The following VKORC1L1 variants were observed in gnomAD, a reference collection of about 807,000 sequenced individuals.
The protein encoded by VKORC1L1 is vitamin K epoxide reductase complex subunit 1-like protein 1.
VKORC1L1 carries 2 observed loss-of-function variants against 18.9 expected under a neutral mutation model. That is an observed-to-expected ratio of 0.11 (90% CI 0.04 to 0.33). VKORC1L1 has a LOEUF of 0.33. VKORC1L1 is among the 10% of genes least tolerant of loss of function. The pLI is 1.00. For synonymous variants in VKORC1L1, 96 were observed against 100.0 expected (o/e 0.96, Z 0.24); for missense variants, 123 against 224.1 (o/e 0.55, Z 2.88).
rs1270587635 is a variant in VKORC1L1, at chr7:65,955,236, C to A, written c.*936C>A. 1 of 152,116 alleles carries A rather than the reference C, an allele frequency of 6.6e-6. No individual in the cohort carries two copies. The highest frequency in any genetic ancestry group is 1.5e-5 in the Non-Finnish European group (1 of 68,030). The allele number at this position is 152,116 out of a possible 1,614,324, so 9.4% of individuals were successfully genotyped here. On this transcript the variant is annotated 3_prime_UTR_variant, in exon 3 of 3. Transcript: ENST00000360768. ...TTCTTCCACTAGTTGAATTTTCATGCAGATATTTTTCCTTAACGTTGGTGC... is the reference window on the plus strand; with the variant it reads ...TTCTTCCACTAGTTGAATTTTCATGAAGATATTTTTCCTTAACGTTGGTGC...
At chr7:65,929,417 AAAAT>A (rs1477557762) in intron 1 of VKORC1L1, among the ~76,000 whole-genome samples, 1 of 152,100 alleles carries the variant, frequency 6.6e-6, no homozygotes, top group Non-Finnish European at 1.5e-5. Flanking sequence ...CTCAAAAAAT[AAAAT>A]AAAAATCAGT....
At chr7:65,890,260 A>G (rs1789090016) in intron 1 of VKORC1L1, among the ~76,000 whole-genome samples, 3 of 151,398 alleles carry the variant, frequency 2.0e-5, no homozygotes, top group African/African-American at 7.3e-5. Context: ...CCTCCCGAGT[A>G]ACTGGGACGA....
chr7:65,895,123 A>G (rs1201485670), intron 1 of VKORC1L1, among the ~76,000 whole-genome samples: 1 of 152,134 alleles, frequency 6.6e-6, no homozygotes, highest in Non-Finnish European at 1.5e-5. Flanking sequence ...GATACGCCTT[A>G]AAGCTGATGA....
chr7:65,878,137 A>G (rs1347839760), intron 1 of VKORC1L1, among the ~76,000 whole-genome samples: 4 of 152,148 alleles, frequency 2.6e-5, no homozygotes. Context: ...GAGATAATAA[A>G]ACTTTTAGAA....
intron 1 of VKORC1L1, among the ~76,000 whole-genome samples, chr7:65,889,102 T>G (rs77738858): frequency 2.0e-5 from 3 of 151,770 alleles, no homozygotes; most frequent in South Asian, 4.2e-4. Context: ...TTTTTTTTTT[T>G]GGCTGGCTTA....
intron 1 of VKORC1L1, among the ~76,000 whole-genome samples, chr7:65,922,358 G>T (rs1032352087): frequency 6.0e-5 from 9 of 150,986 alleles, no homozygotes; most frequent in Admixed American, 5.9e-4. Flanking sequence ...TTGGCTGACC[G>T]CAACCTCTGC....
intron 2 of VKORC1L1, among the ~76,000 whole-genome samples, chr7:65,950,580 T>G (rs1790196406): frequency 6.6e-6 from 1 of 151,950 alleles, no homozygotes; most frequent in African/African-American, 2.4e-5. Flanking sequence ...CTTGCAGAAG[T>G]AGAAAGATGT....
intron 1 of VKORC1L1, among the ~76,000 whole-genome samples, chr7:65,888,093 A>G (rs1238336778): frequency 1.3e-5 from 2 of 152,152 alleles, no homozygotes; most frequent in African/African-American, 4.8e-5. Context: ...CTGTGTGTGT[A>G]TGTGTCTGTG....
At chr7:65,896,338 G>A (rs1379716652) in intron 1 of VKORC1L1, among the ~76,000 whole-genome samples, 1 of 152,120 alleles carries the variant, frequency 6.6e-6, no homozygotes, top group Non-Finnish European at 1.5e-5. Flanking sequence ...TTTGGCTAAA[G>A]TGAATAAAAC....
chr7:65,890,124 A>ATTT (rs35228954), intron 1 of VKORC1L1, among the ~76,000 whole-genome samples: 21 of 90,456 alleles, frequency 2.3e-4, no homozygotes, highest in Admixed American at 3.9e-4. Context: ...CACCTGGGTA[A>ATTT]TTTTTTTTTT....
chr7:65,927,712 A>G (rs1789789290), intron 1 of VKORC1L1, among the ~76,000 whole-genome samples: 1 of 152,206 alleles, frequency 6.6e-6, no homozygotes, highest in Non-Finnish European at 1.5e-5. Flanking sequence ...TAAGATTTCA[A>G]GTATGTTCTT....
chr7:65,893,093 A>G lies in VKORC1L1; in HGVS notation c.194+19528A>G, dbSNP rs116525556. Among the ~76,000 whole-genome samples, 1,091 of 152,376 alleles carry G rather than the reference A, an allele frequency of 7.2e-3. 16 individuals carry two copies. The highest frequency in any genetic ancestry group is 0.025 in the African/African-American group (1,025 of 41,582). The stretch of plus-strand genomic sequence containing the variant: ...CCAGCTGTCTCCCATCAAGCCAAAC[A>G]TTAAGGAGATTTCCAAAACATATCC... On this transcript the variant is annotated intron_variant, in intron 1 of 2. Transcript: ENST00000360768.
chr7:65,930,779 G>A (rs1209782068), intron 1 of VKORC1L1, among the ~76,000 whole-genome samples: 1 of 151,988 alleles, frequency 6.6e-6, no homozygotes, highest in Non-Finnish European at 1.5e-5. Flanking sequence ...TAGGAGTGGT[G>A]AGAGCAGACA....
Position 65,959,472 on chromosome 7 carries a change from A to G in VKORC1L1, c.*5172A>G, listed in dbSNP as rs936388311. 2.0e-5 allele frequency: 3 copies of G among 152,274 alleles called. No individual in the cohort carries two copies. The highest frequency in any genetic ancestry group is 6.5e-5 in the Admixed American group (1 of 15,286). 9.4% of individuals were successfully genotyped at this position (152,274 alleles called of 1,614,324 possible). On this transcript the variant is annotated 3_prime_UTR_variant, in exon 3 of 3. Coordinates refer to ENST00000360768, the MANE Select transcript of VKORC1L1 (RefSeq NM_173517.6). ...AAACTAAAGAGAAGTTGATAAAAAA[A>G]ATACAGAAGCTCTAGATTCCTAATT...
chr7:65,873,861 T>C (rs1184165645), intron 1 of VKORC1L1, among the ~76,000 whole-genome samples: 3 of 137,176 alleles, frequency 2.2e-5, no homozygotes, highest in Non-Finnish European at 3.2e-5. Context: ...TCGGGCGGGC[T>C]GGGGCCCGGC....
intron 1 of VKORC1L1, among the ~76,000 whole-genome samples, chr7:65,883,734 G>A (rs1174602413): frequency 6.6e-6 from 1 of 151,480 alleles, no homozygotes; most frequent in Non-Finnish European, 1.5e-5. Flanking sequence ...TCCTGACCTC[G>A]TAATCTGCCC....
rs143148384 is a variant in VKORC1L1, at chr7:65,954,515, G to C, written c.*215G>C. On this transcript the variant is annotated 3_prime_UTR_variant, in exon 3 of 3. Coordinates refer to ENST00000360768, the MANE Select transcript of VKORC1L1 (RefSeq NM_173517.6). Reference sequence around the variant, plus strand: ...AATATGGATACAAAAAGGATACGCCGAGCCAATCAAAGACAAGCTTTAACT... The same window carrying C: ...AATATGGATACAAAAAGGATACGCCCAGCCAATCAAAGACAAGCTTTAACT... 2.4e-6 allele frequency: 2 copies of C among 824,492 alleles called. No homozygotes were observed. Among genetic ancestry groups the C allele is most frequent in the Non-Finnish European group, 3.5e-6 (2 of 576,810 alleles). 51.1% of individuals were successfully genotyped at this position (824,492 alleles called of 1,614,324 possible).
chr7:65,933,033 G>A (rs1012064119), intron 1 of VKORC1L1, among the ~76,000 whole-genome samples: 2 of 144,726 alleles, frequency 1.4e-5, no homozygotes, highest in East Asian at 4.1e-4. Context: ...AGCCGAGATC[G>A]CGCCACTGCA....
chr7:65,890,367 G>A (rs1404667998), intron 1 of VKORC1L1, among the ~76,000 whole-genome samples: 11 of 151,996 alleles, frequency 7.2e-5, no homozygotes, highest in African/African-American at 2.7e-4. Flanking sequence ...TCCTGACCTC[G>A]TGATCCGCCT....
Sources: gnomAD v4.1 joint callset for allele counts (sites outside exome capture counted in the v4.1 genomes callset) on GRCh38, gnomAD v4.1.1 for gene constraint, MANE v1.5 for transcripts, NCBI Gene and HGNC (gene_info 2026-07-23, HGNC 2026-07-21) for gene names.